The following PTPRM variants were observed in gnomAD, a reference collection of about 807,000 sequenced individuals.
The protein encoded by PTPRM is protein tyrosine phosphatase receptor type M.
PTPRM carries 47 observed loss-of-function variants against 186.7 expected under a neutral mutation model. The observed-to-expected ratio is 0.25, with a 90% confidence interval of 0.20 to 0.32. The LOEUF is 0.32. Ranked by LOEUF, PTPRM falls within the 10% of genes least tolerant of loss-of-function variation. The probability of loss-of-function intolerance (pLI) is 1.00; values close to 1 mark genes in which losing one functional copy is unlikely to be tolerated. For synonymous variants in PTPRM, 668 were observed against 674.9 expected (o/e 0.99, Z 0.16); for missense variants, 1,494 against 1,865.0 (o/e 0.80, Z 3.66).
At chr18:7,577,988 C>T (rs889061854) in intron 1 of PTPRM, among the ~76,000 whole-genome samples, 7 of 152,136 alleles carry the variant, frequency 4.6e-5, no homozygotes, top group South Asian at 2.1e-4. Flanking sequence ...GAGGCTGTGA[C>T]ATCAGCCATG....
Position 8,318,599 on chromosome 18 carries a change from T to C in PTPRM, c.2920-579T>C, listed in dbSNP as rs563579955. ...AGGCATCAACCACCACACCTGGCCC[T>C]TTTTCTTTGGCCTCAATTTTTATCT... On this transcript the variant is annotated intron_variant, in intron 21 of 32. Coordinates refer to ENST00000580170, the MANE Select transcript of PTPRM (RefSeq NM_001105244.2). Among the ~76,000 whole-genome samples the C allele has an allele frequency of 3.3e-5, 5 of 152,230 alleles. No homozygotes were observed. The South Asian group carries it at 1.0e-3, about 32-fold the overall frequency.
intron 19 of PTPRM, chr18:8,270,460 G>A (rs1045698045): frequency 1.3e-5 from 2 of 152,076 alleles, no homozygotes; most frequent in African/African-American, 4.8e-5. Context: ...TGCATTGTTG[G>A]TGAGAATGTA....
At chr18:7,997,460 CA>C (rs1223019300) in intron 7 of PTPRM, among the ~76,000 whole-genome samples, 1 of 152,132 alleles carries the variant, frequency 6.6e-6, no homozygotes, top group Non-Finnish European at 1.5e-5. Context: ...TGATTTGGTA[CA>C]TCATTGGTCT....
chr18:8,077,910 G>T (rs575110522), intron 9 of PTPRM, among the ~76,000 whole-genome samples: 14 of 152,052 alleles, frequency 9.2e-5, no homozygotes, highest in Non-Finnish European at 1.5e-4. Flanking sequence ...GAAAACAATG[G>T]GAATAATAAT....
chr18:8,028,267 G>A (rs898472328), intron 7 of PTPRM, among the ~76,000 whole-genome samples: 2 of 152,186 alleles, frequency 1.3e-5, no homozygotes, highest in African/African-American at 4.8e-5. Context: ...CTCCCAAAGT[G>A]CTGGGAATAC....
intron 7 of PTPRM, among the ~76,000 whole-genome samples, chr18:7,960,480 T>TATATATATATATATACACACAC (rs1300573371): frequency 4.4e-4 from 38 of 86,578 alleles, no homozygotes; most frequent in African/African-American, 1.7e-3. Flanking sequence ...TATATATATA[T>TATATATATATATATACACACAC]ACACACACAC....
intron 1 of PTPRM, among the ~76,000 whole-genome samples, chr18:7,753,156 G>T (rs567817811): frequency 7.2e-5 from 11 of 152,030 alleles, no homozygotes; most frequent in African/African-American, 2.7e-4. Flanking sequence ...TAGTAGTTTT[G>T]TAAATCATCC....
intron 3 of PTPRM, among the ~76,000 whole-genome samples, chr18:7,900,546 T>G (rs2049611333): frequency 6.7e-6 from 1 of 150,230 alleles, no homozygotes; most frequent in South Asian, 2.1e-4. Flanking sequence ...CATTAAAAGG[T>G]GTGTGTGTGT....
At chr18:7,680,211 AG>A (rs1328858798) in intron 1 of PTPRM, among the ~76,000 whole-genome samples, 1 of 152,208 alleles carries the variant, frequency 6.6e-6, no homozygotes, top group Non-Finnish European at 1.5e-5. Context: ...AATTGACGGA[AG>A]CTATAAATGC....
chr18:7,995,655 G>A (rs938207124), intron 7 of PTPRM: 8 of 152,168 alleles, frequency 5.3e-5, no homozygotes, highest in African/African-American at 1.7e-4. Flanking sequence ...CCATGAGGAG[G>A]AGGCACAGTG....
intron 13 of PTPRM, among the ~76,000 whole-genome samples, chr18:8,118,860 T>A (rs1047430776): frequency 1.3e-5 from 2 of 149,278 alleles, no homozygotes; most frequent in African/African-American, 2.4e-5. Flanking sequence ...CTTTTTTTTT[T>A]AAGCTCATCA....
intron 7 of PTPRM, among the ~76,000 whole-genome samples, chr18:7,959,464 T>C (rs574456157): frequency 6.6e-6 from 1 of 152,338 alleles, no homozygotes; most frequent in South Asian, 2.1e-4. Context: ...CATGAAACTG[T>C]ATTTAGCTTC....
At position 8,306,149 on chromosome 18, in the gene PTPRM, G is replaced by A. The variant is rs189008829; in HGVS notation, c.2843-8632G>A. Among the ~76,000 whole-genome samples the A allele has an allele frequency of 2.8e-3, 427 of 152,098 alleles. 5 individuals are homozygous for A. Among genetic ancestry groups the A allele is most frequent in the Non-Finnish European group, 5.2e-3 (355 of 67,972 alleles). On this transcript the variant is annotated intron_variant, in intron 20 of 32. Coordinates refer to ENST00000580170, the MANE Select transcript of PTPRM (RefSeq NM_001105244.2). ...CGACCTGAGGTGATCCGCCCACCTC[G>A]GCCTCCCAAAGTGCTGGGATTACAG...
intron 24 of PTPRM, among the ~76,000 whole-genome samples, chr18:8,375,154 G>A (rs897093652): frequency 6.6e-6 from 1 of 152,168 alleles, no homozygotes; most frequent in Admixed American, 6.5e-5. Context: ...CAAAACAAAA[G>A]TAAATTAAAA....
chr18:7,875,265 T>C (rs750748079), intron 2 of PTPRM, among the ~76,000 whole-genome samples: 9 of 151,962 alleles, frequency 5.9e-5, no homozygotes, highest in Admixed American at 4.6e-4. Context: ...AATTGTTCAC[T>C]GTATTATGGT....
intron 7 of PTPRM, among the ~76,000 whole-genome samples, chr18:7,957,075 G>C (rs2053361988): frequency 6.6e-6 from 1 of 152,112 alleles, no homozygotes; most frequent in East Asian, 1.9e-4. Context: ...CTCTCCAAAA[G>C]CAGGTTAGAA....
chr18:8,211,220 G>A (rs937059755), intron 14 of PTPRM, among the ~76,000 whole-genome samples: 1 of 152,058 alleles, frequency 6.6e-6, no homozygotes, highest in African/African-American at 2.4e-5. Context: ...GGCAGGAATA[G>A]AGAGAATTGC....
chr18:7,827,411 A>T lies in PTPRM; in HGVS notation c.196+53140A>T, dbSNP rs542886094. Reference sequence around the variant, plus strand: ...CACCTAATGGTAGAGGTAAAATAAAATGTGCATCTTCACCCCTTCACTGTA... The same window carrying T: ...CACCTAATGGTAGAGGTAAAATAAATTGTGCATCTTCACCCCTTCACTGTA... On this transcript the variant is annotated intron_variant, in intron 2 of 32. Coordinates refer to ENST00000580170, the MANE Select transcript of PTPRM (RefSeq NM_001105244.2). Among the ~76,000 whole-genome samples the T allele has an allele frequency of 5.9e-5, 9 of 152,288 alleles. No homozygotes were observed. In the East Asian group the frequency reaches 1.7e-3, roughly 29 times the overall value.
chr18:8,186,071 A>G (rs777611054), intron 14 of PTPRM, among the ~76,000 whole-genome samples: 15 of 152,192 alleles, frequency 9.9e-5, no homozygotes, highest in Non-Finnish European at 1.8e-4. Context: ...GAAGGTTTTT[A>G]AGAATAAAAA....
Sources: allele counts gnomAD v4.1 joint callset (sites outside exome capture counted in the v4.1 genomes callset), GRCh38; gene constraint gnomAD v4.1.1; transcripts MANE v1.5; gene names NCBI Gene and HGNC (gene_info 2026-07-23, HGNC 2026-07-21).